Variants in ARHGAP6 observed in about 807,000 individuals in gnomAD.
The protein encoded by ARHGAP6 is rho GTPase-activating protein 6.
ARHGAP6 carries 16 observed loss-of-function variants against 55.7 expected under a neutral mutation model. That is an observed-to-expected ratio of 0.29 (90% CI 0.19 to 0.44). ARHGAP6 has a LOEUF of 0.44. Ranked by LOEUF, ARHGAP6 falls within the 20% of genes least tolerant of loss-of-function variation. ARHGAP6 has a pLI of 1.00. For synonymous variants in ARHGAP6, 382 were observed against 360.9 expected, an observed-to-expected ratio of 1.06 and a Z score of -0.66; for missense variants, 698 against 808.9, an observed-to-expected ratio of 0.86 and a Z score of 1.66.
At chrX:11,442,497 C>T (rs1157502413) in intron 1 of ARHGAP6, among the ~76,000 whole-genome samples, 2 of 111,926 alleles carry the variant, frequency 1.8e-5, no homozygotes, top group Non-Finnish European at 3.8e-5. Flanking sequence ...ATACAAACAG[C>T]TCCCCCAGTC....
intron 1 of ARHGAP6, among the ~76,000 whole-genome samples, chrX:11,360,226 T>C (rs1162483051): frequency 1.8e-5 from 2 of 111,455 alleles, no homozygotes; most frequent in Non-Finnish European, 3.8e-5. Flanking sequence ...TAGACCAATA[T>C]CCCTGATGAA....
At chrX:11,566,512 T>C (rs1159098507) in intron 1 of ARHGAP6, among the ~76,000 whole-genome samples, 1 of 112,340 alleles carries the variant, frequency 8.9e-6, no homozygotes, top group East Asian at 2.8e-4. Flanking sequence ...AAAATGTTTA[T>C]GTTAATTCAT....
chrX:11,228,729 C>A (rs2047089274), intron 2 of ARHGAP6, among the ~76,000 whole-genome samples: 1 of 112,257 alleles, frequency 8.9e-6, no homozygotes, highest in Non-Finnish European at 1.9e-5. Context: ...TTTGAGACAA[C>A]TGCAGTAAGA....
Position 11,144,065 on chromosome X carries a change from G to C in ARHGAP6, c.2091C>G (p.Tyr697Ter). The C allele has an allele frequency of 8.3e-7, 1 of 1,211,424 alleles. No individual in the cohort carries two copies. The highest frequency in any genetic ancestry group is 1.1e-6 in the Non-Finnish European group (1 of 895,358). ...DAAPGGSEKL[Y>*]RVPGQFMLVG... is the part of the protein sequence containing the mutation. ...CCAGCATAAACTGCCCTGGCACTCTGTAAAGCTTCTCCGAGCCCCCCGGGG... is the reference window on the plus strand; with the variant it reads ...CCAGCATAAACTGCCCTGGCACTCTCTAAAGCTTCTCCGAGCCCCCCGGGG... Residue 697 changes from tyrosine (Y) to a stop codon, truncating the protein, a stop_gained, in exon 11 of 13, where the codon TAC becomes TAG. Coordinates refer to ENST00000337414, the MANE Select transcript of ARHGAP6 (RefSeq NM_013427.3). LOFTEE classifies it high-confidence loss of function.
At chrX:11,211,290 C>T (rs1425039836) in intron 2 of ARHGAP6, among the ~76,000 whole-genome samples, 2 of 103,547 alleles carry the variant, frequency 1.9e-5, no homozygotes. Context: ...GGCGCGATCT[C>T]GGCTCACTGC....
chrX:11,447,814 C>T (rs2050106762), intron 1 of ARHGAP6, among the ~76,000 whole-genome samples: 1 of 112,505 alleles, frequency 8.9e-6, no homozygotes, highest in African/African-American at 3.2e-5. Context: ...GCTGGCTCCA[C>T]AAATTTTTCA....
At chrX:11,183,266 G>A (rs1309437487) in intron 5 of ARHGAP6, among the ~76,000 whole-genome samples, 2 of 111,264 alleles carry the variant, frequency 1.8e-5, no homozygotes, top group Admixed American at 9.5e-5. Flanking sequence ...GTATGAATGG[G>A]CCATAATTTA....
At chrX:11,321,364 G>T (rs2048430423) in intron 1 of ARHGAP6, among the ~76,000 whole-genome samples, 1 of 111,607 alleles carries the variant, frequency 9.0e-6, no homozygotes, top group South Asian at 3.7e-4. Context: ...GTATTTTGAT[G>T]TAAAAGTTAG....
chrX:11,588,249 T>G (rs768186938), intron 1 of ARHGAP6, among the ~76,000 whole-genome samples: 2 of 112,100 alleles, frequency 1.8e-5, no homozygotes, highest in Non-Finnish European at 3.8e-5. Flanking sequence ...CTTAGGCAAC[T>G]TTTTTAAGCT....
chrX:11,572,458 G>A lies in ARHGAP6; in HGVS notation c.588+91783C>T, dbSNP rs748943632. 7.2e-5 allele frequency among the ~76,000 whole-genome samples: 8 copies of A among 110,480 alleles called. No homozygotes were observed. In the East Asian group the frequency reaches 1.4e-3, roughly 20 times the overall value. On this transcript the variant is annotated intron_variant, in intron 1 of 12. Transcript: ENST00000337414. ...AAGGTGTTTGGTTTTTTGTTCTTGC[G>A]ATAGTTTAATGAGAATGATGATTTC...
intron 1 of ARHGAP6, among the ~76,000 whole-genome samples, chrX:11,500,621 G>C (rs2050666639): frequency 1.1e-5 from 1 of 95,223 alleles, no homozygotes; most frequent in Non-Finnish European, 2.0e-5. Context: ...AGCCGAGATG[G>C]CACCACTGCA....
chrX:11,391,836 G>A (rs1461369718), intron 1 of ARHGAP6, among the ~76,000 whole-genome samples: 1 of 111,828 alleles, frequency 8.9e-6, no homozygotes, highest in Admixed American at 9.5e-5. Flanking sequence ...GATTCTAATT[G>A]AGTGGGTCTG....
chrX:11,489,759 A>G (rs1432000577), intron 1 of ARHGAP6, among the ~76,000 whole-genome samples: 1 of 111,945 alleles, frequency 8.9e-6, no homozygotes, highest in African/African-American at 3.2e-5. Context: ...TCAACATAAC[A>G]GCATCAGTTT....
At chrX:11,492,806 G>A (rs1445828557) in intron 1 of ARHGAP6, among the ~76,000 whole-genome samples, 1 of 112,145 alleles carries the variant, frequency 8.9e-6, no homozygotes, top group Non-Finnish European at 1.9e-5. Flanking sequence ...ATTGTAGCTT[G>A]GCATATGGCC....
At chrX:11,278,720 G>A (rs2047811802) in intron 1 of ARHGAP6, among the ~76,000 whole-genome samples, 1 of 111,735 alleles carries the variant, frequency 8.9e-6, no homozygotes. Flanking sequence ...AAAAAGTTGT[G>A]CATGGTAGCT....
chrX:11,376,634 A>G (rs1162330977), intron 1 of ARHGAP6, among the ~76,000 whole-genome samples: 1 of 112,932 alleles, frequency 8.9e-6, no homozygotes, highest in Non-Finnish European at 1.9e-5. Context: ...TAAGACACTA[A>G]GTTTGTGGTC....
intron 2 of ARHGAP6, chrX:11,223,420 T>C (rs971919923): frequency 2.5e-5 from 3 of 120,447 alleles, no homozygotes; most frequent in African/African-American, 9.7e-5. Flanking sequence ...TAAGTTTCTT[T>C]GTTTTATAAC....
intron 1 of ARHGAP6, among the ~76,000 whole-genome samples, chrX:11,384,778 G>A (rs916685555): frequency 1.8e-5 from 2 of 111,563 alleles, no homozygotes; most frequent in Non-Finnish European, 3.8e-5. Context: ...GGCCTGGTAT[G>A]TTTGAAAAGT....
At chrX:11,428,880 G>A (rs1220993452) in intron 1 of ARHGAP6, among the ~76,000 whole-genome samples, 1 of 111,979 alleles carries the variant, frequency 8.9e-6, no homozygotes, top group Admixed American at 9.4e-5. Context: ...TCTACCATTA[G>A]ATAGTCCCAT....
Sources: allele counts gnomAD v4.1 joint callset (sites outside exome capture counted in the v4.1 genomes callset), GRCh38; gene constraint gnomAD v4.1.1; transcripts MANE v1.5; gene names NCBI Gene and HGNC (gene_info 2026-07-23, HGNC 2026-07-21).